Variants in SLC25A13 observed in about 807,000 individuals in gnomAD.
SLC25A13 encodes the protein electrogenic aspartate/glutamate antiporter SLC25A13, mitochondrial.
SLC25A13 carries 70 observed loss-of-function variants against 85.5 expected under a neutral mutation model. That is an observed-to-expected ratio of 0.82 (90% CI 0.68 to 1.00). The LOEUF is 1.00. Among genes scored for constraint, SLC25A13 ranks in the 50% least tolerant of loss-of-function variants. The pLI, the probability that SLC25A13 is intolerant of heterozygous loss-of-function variation, is 0.00. For missense variants in SLC25A13, 765 were observed against 819.8 expected, an observed-to-expected ratio of 0.93 and a Z score of 0.82; for synonymous variants, 259 against 288.7, an observed-to-expected ratio of 0.90 and a Z score of 1.04.
chr7:96,268,333 T>C (rs1002887080), intron 3 of SLC25A13, among the ~76,000 whole-genome samples: 1 of 152,210 alleles, frequency 6.6e-6, no homozygotes, highest in Non-Finnish European at 1.5e-5. Context: ...ACTTAGAAGA[T>C]ATACAAAGCT....
chr7:96,254,098 T>C (rs1207635569), intron 3 of SLC25A13, among the ~76,000 whole-genome samples: 1 of 152,210 alleles, frequency 6.6e-6, no homozygotes, highest in Admixed American at 6.5e-5. Flanking sequence ...TGGTTAATTT[T>C]ATGTGTTACC....
chr7:96,136,425 G>A (rs1403573951), intron 14 of SLC25A13, among the ~76,000 whole-genome samples: 2 of 152,144 alleles, frequency 1.3e-5, no homozygotes, highest in African/African-American at 4.8e-5. Flanking sequence ...AGTTTATTTT[G>A]CCAGCTCTGC....
At chr7:96,169,790 T>C (rs1405676383) in intron 13 of SLC25A13, 4 of 512,488 alleles carry the variant, frequency 7.8e-6, no homozygotes, top group Non-Finnish European at 1.0e-5. Context: ...CACAAATGAC[T>C]TCCATTGCAG....
chr7:96,214,121 C>T (rs1045088289), intron 4 of SLC25A13, among the ~76,000 whole-genome samples: 6 of 152,054 alleles, frequency 3.9e-5, no homozygotes, highest in African/African-American at 2.4e-5. Flanking sequence ...AAAAGTCTGC[C>T]GCATTTGTTT....
chr7:96,223,186 C>T (rs1796199804), intron 4 of SLC25A13, among the ~76,000 whole-genome samples: 1 of 152,182 alleles, frequency 6.6e-6, no homozygotes, highest in Non-Finnish European at 1.5e-5. Context: ...GAACCCTTGA[C>T]TTTAAAGTTT....
intron 13 of SLC25A13, among the ~76,000 whole-genome samples, chr7:96,163,387 T>C (rs1339157245): frequency 1.3e-5 from 2 of 152,142 alleles, no homozygotes; most frequent in African/African-American, 4.8e-5. Context: ...TGGATATCTA[T>C]CCCGGTTGAC....
At chr7:96,208,817 C>A in intron 5 of SLC25A13, 21 bp downstream of exon 5, 2 of 1,613,558 alleles carry the variant, frequency 1.2e-6, no homozygotes, top group Non-Finnish European at 1.7e-6. Context: ...ACCCTTTTAA[C>A]TTTTTAAGAG....
intron 3 of SLC25A13, among the ~76,000 whole-genome samples, chr7:96,254,317 G>A (rs954611291): frequency 6.6e-6 from 1 of 152,154 alleles, no homozygotes; most frequent in East Asian, 1.9e-4. Flanking sequence ...GAGTGTTAGA[G>A]CTGGAACATG....
intron 3 of SLC25A13, among the ~76,000 whole-genome samples, chr7:96,247,169 T>A (rs1422155144): frequency 6.6e-6 from 1 of 152,206 alleles, no homozygotes; most frequent in African/African-American, 2.4e-5. Flanking sequence ...GTTGCCTGGG[T>A]AACACATTTT....
intron 4 of SLC25A13, among the ~76,000 whole-genome samples, chr7:96,210,855 T>C (rs1795662839): frequency 6.6e-6 from 1 of 152,188 alleles, no homozygotes; most frequent in African/African-American, 2.4e-5. Context: ...AATGGTTTTC[T>C]GGTTTATCCT....
At chr7:96,202,213 T>A (rs1384859835) in intron 5 of SLC25A13, among the ~76,000 whole-genome samples, 1 of 152,108 alleles carries the variant, frequency 6.6e-6, no homozygotes, top group Non-Finnish European at 1.5e-5. Flanking sequence ...AGGACAAGGA[T>A]CCTTACTAAT....
Position 96,189,598 on chromosome 7 carries a change from A to G in SLC25A13, c.831T>C (p.Asp277=), listed in dbSNP as rs1180370666. 2 of 1,613,538 alleles carry G rather than the reference A, an allele frequency of 1.2e-6. No homozygotes were observed. The highest frequency in any genetic ancestry group is 1.7e-6 in the Non-Finnish European group (2 of 1,179,970). ...MEVDILFQLA[D]LYEPRGRMTL... is the part of the protein sequence containing the mutation. ...CAACTTACCCCCTTGGCTCATATAA[A>G]TCTGCTAACTGAAACAAGATGTCAA... The change falls in exon 8 of 18, where the codon GAT becomes GAC. Residue 277 remains aspartate (D), a synonymous_variant. Transcript: ENST00000265631.
At position 96,216,772 on chromosome 7, in the gene SLC25A13, G is replaced by C. The variant is rs545925092; in HGVS notation, c.329-7795C>G. On this transcript the variant is annotated intron_variant, in intron 4 of 17. Coordinates refer to ENST00000265631, the MANE Select transcript of SLC25A13 (RefSeq NM_014251.3). ...GGGTAAAGGGTGGGAGGAGGGAGAG[G>C]ATCAGGAAAAATAACTAATGGGTAC... Among the ~76,000 whole-genome samples the C allele has an allele frequency of 1.6e-4, 25 of 152,196 alleles. 1 individual carries two copies. The East Asian group carries it at 4.6e-3, about 28-fold the overall frequency.
intron 4 of SLC25A13, among the ~76,000 whole-genome samples, chr7:96,223,418 A>G (rs896314947): frequency 2.6e-5 from 4 of 152,254 alleles, no homozygotes; most frequent in African/African-American, 9.6e-5. Context: ...GTTTAACCTA[A>G]GAAACTGGTA....
chr7:96,122,244 CT>C lies in SLC25A13; in HGVS notation c.1592-248del, dbSNP rs1562775102. 2.0e-5 allele frequency among the ~76,000 whole-genome samples: 3 copies of C among 152,282 alleles called. No homozygotes were observed. In the East Asian group the frequency reaches 5.8e-4, roughly 29 times the overall value. On this transcript the variant is annotated intron_variant, in intron 15 of 17. Coordinates refer to ENST00000265631, the MANE Select transcript of SLC25A13 (RefSeq NM_014251.3). ...CACTCAGCCTTCATTTCCTTTGTTT[CT>C]ATTCCTAAATCTTTAAATATTTTTA...
At chr7:96,225,564 A>G (rs2116778678) in intron 4 of SLC25A13, among the ~76,000 whole-genome samples, 1 of 150,832 alleles carries the variant, frequency 6.6e-6, no homozygotes, top group South Asian at 2.1e-4. Context: ...CCAAGAAAGA[A>G]AAAAAAAAGG....
chr7:96,292,783 TACAA>T (rs1799177059), intron 2 of SLC25A13, among the ~76,000 whole-genome samples: 2 of 152,158 alleles, frequency 1.3e-5, no homozygotes, highest in Non-Finnish European at 2.9e-5. Flanking sequence ...TAAAAGAGGA[TACAA>T]ACAAATGGAA....
chr7:96,220,990 C>G (rs1796106323), intron 4 of SLC25A13, among the ~76,000 whole-genome samples: 1 of 152,182 alleles, frequency 6.6e-6, no homozygotes, highest in Non-Finnish European at 1.5e-5. Context: ...TTTTCTCCCC[C>G]TCTCTATTTT....
intron 3 of SLC25A13, among the ~76,000 whole-genome samples, chr7:96,242,352 G>A (rs577511711): frequency 1.3e-5 from 2 of 152,198 alleles, no homozygotes; most frequent in South Asian, 4.1e-4. Context: ...AATAGCTTTT[G>A]GCTTTTATAG....
Sources: gnomAD v4.1 joint callset for allele counts (sites outside exome capture counted in the v4.1 genomes callset) on GRCh38, gnomAD v4.1.1 for gene constraint, MANE v1.5 for transcripts, NCBI Gene and HGNC (gene_info 2026-07-23, HGNC 2026-07-21) for gene names.